Variants in SYAP1 observed in about 807,000 individuals in gnomAD.
The protein encoded by SYAP1 is synapse-associated protein 1.
In SYAP1, 3 loss-of-function variants were observed where a neutral mutation model predicts 29.6. The ratio of observed to expected loss-of-function variants is 0.10; its 90% CI spans 0.05 to 0.26. SYAP1 has a LOEUF of 0.26. Among genes scored for constraint, SYAP1 ranks in the 10% least tolerant of loss-of-function variants. The pLI is 1.00. For synonymous variants in SYAP1, 102 were observed against 102.7 expected (o/e 0.99, Z 0.04); for missense variants, 217 against 264.1 (o/e 0.82, Z 1.24).
chrX:16,746,918 A>AT (rs55888852), intron 5 of SYAP1, among the ~76,000 whole-genome samples: 17 of 110,406 alleles, frequency 1.5e-4, no homozygotes, highest in Admixed American at 3.9e-4. Context: ...CATCTAATCT[A>AT]TTTTTTTACT....
intron 5 of SYAP1, among the ~76,000 whole-genome samples, chrX:16,745,533 C>G (rs112124062): frequency 0.067 from 7,322 of 110,086 alleles, 611 homozygotes; most frequent in African/African-American, 0.23. Flanking sequence ...TGAGACCAGC[C>G]TGGGCAAATA....
chrX:16,723,667 A>G (rs909916176), intron 1 of SYAP1, among the ~76,000 whole-genome samples: 2 of 112,486 alleles, frequency 1.8e-5, no homozygotes, highest in African/African-American at 6.5e-5. Flanking sequence ...CAACTACTTT[A>G]TAAGAATATT....
intron 5 of SYAP1, among the ~76,000 whole-genome samples, chrX:16,745,114 T>G (rs1926567409): frequency 8.9e-6 from 1 of 112,715 alleles, no homozygotes; most frequent in South Asian, 3.6e-4. Context: ...GGCCGCTGAA[T>G]GTGGGGACAA....
intron 5 of SYAP1, among the ~76,000 whole-genome samples, chrX:16,748,907 C>T (rs1926667271): frequency 1.8e-5 from 2 of 109,699 alleles, no homozygotes; most frequent in South Asian, 7.9e-4. Context: ...CAGGCGCACG[C>T]CACCACACCT....
At chrX:16,744,700 T>C (rs1926555909) in intron 5 of SYAP1, among the ~76,000 whole-genome samples, 1 of 110,088 alleles carries the variant, frequency 9.1e-6, no homozygotes, top group African/African-American at 3.3e-5. Context: ...GGCGTGGTGG[T>C]GTGCACCTTT....
chrX:16,728,949 G>C (rs1324686522), intron 1 of SYAP1, among the ~76,000 whole-genome samples: 5 of 106,890 alleles, frequency 4.7e-5, no homozygotes, highest in Non-Finnish European at 9.6e-5. Context: ...TGAGGCAGGA[G>C]AATTGCTTCA....
rs912526550 is a variant in SYAP1 at position 16,752,812 on chromosome X, T to A, written c.576-2133T>A. Among the ~76,000 whole-genome samples the A allele has an allele frequency of 3.6e-5, 4 of 111,574 alleles. No homozygotes were observed. The Admixed American group carries it at 3.9e-4, about 11-fold the overall frequency. On this transcript the variant is annotated intron_variant, in intron 5 of 8. Coordinates refer to ENST00000380155, the MANE Select transcript of SYAP1 (RefSeq NM_032796.4). ...CCAGGTTTCTTGACTGTAAAGTTAC[T>A]CTTTTCCTCTTTGAATGTAATTACT...
intron 5 of SYAP1, among the ~76,000 whole-genome samples, chrX:16,744,285 A>C (rs1569250738): frequency 8.9e-6 from 1 of 112,227 alleles, no homozygotes; most frequent in Admixed American, 9.5e-5. Context: ...GCTCCAGTGC[A>C]TGCATGATGC....
intron 5 of SYAP1, among the ~76,000 whole-genome samples, chrX:16,751,777 C>G: frequency 9.6e-6 from 1 of 103,675 alleles, no homozygotes; most frequent in Middle Eastern, 4.8e-3. Context: ...CTCCTGGGTT[C>G]AAGCAATTCT....
At chrX:16,756,565 A>G in intron 6 of SYAP1, 98 bp from the exon 7 acceptor site, 2 of 731,775 alleles carry the variant, frequency 2.7e-6, no homozygotes, top group Non-Finnish European at 2.0e-6. Context: ...TCTGAAAATT[A>G]TTTAGTATCA....
intron 4 of SYAP1, among the ~76,000 whole-genome samples, chrX:16,742,419 T>C (rs749241156): frequency 9.1e-6 from 1 of 109,583 alleles, no homozygotes; most frequent in Admixed American, 9.8e-5. Flanking sequence ...CCCAAAGTGC[T>C]GGGATTATAG....
chrX:16,756,065 T>C (rs998000238), intron 6 of SYAP1, among the ~76,000 whole-genome samples: 1 of 112,022 alleles, frequency 8.9e-6, no homozygotes, highest in Non-Finnish European at 1.9e-5. Flanking sequence ...ATCCCAATTG[T>C]CTGTTATTCT....
chrX:16,764,163 C>T lies in SYAP1; in HGVS notation c.*3804C>T, dbSNP rs2147442905. The T allele has an allele frequency of 9.0e-6, 1 of 111,251 alleles. No homozygotes were observed. Among genetic ancestry groups the T allele is most frequent in the East Asian group, 2.8e-4 (1 of 3,521 alleles). 9.2% of individuals were successfully genotyped at this position (111,251 alleles called of 1,213,427 possible). On this transcript the variant is annotated 3_prime_UTR_variant, in exon 9 of 9. Transcript: ENST00000380155. Reference sequence around the variant, plus strand: ...GTGCTGGGATTACAGGCGTGAGCCACTGCGCCCAACCTTAATGGCTTTTTG... The same window carrying T: ...GTGCTGGGATTACAGGCGTGAGCCATTGCGCCCAACCTTAATGGCTTTTTG...
intron 1 of SYAP1, among the ~76,000 whole-genome samples, chrX:16,722,529 C>CAAA (rs753851782): frequency 1.7e-4 from 11 of 65,937 alleles, no homozygotes; most frequent in African/African-American, 5.0e-4. Flanking sequence ...CTGCATCTCA[C>CAAA]AAAAAAAAAA....
At chrX:16,755,469 CG>C (rs1926822722) in intron 6 of SYAP1, among the ~76,000 whole-genome samples, 1 of 108,447 alleles carries the variant, frequency 9.2e-6, no homozygotes, top group South Asian at 4.0e-4. Flanking sequence ...GTTTTTTTTT[CG>C]TTTTATTTCT....
rs1409896208 is a variant in SYAP1 at position 16,756,702 on chromosome X, C to A, written c.764C>A (p.Ser255Tyr). ...RPKTPPVVIK[S>Y]QLKTQEDEEE... ...AAAACGCCACCCGTTGTAATCAAAT[C>A]TCAGCTTAAAACTCAAGAGGTAATC... The change falls in exon 7 of 9, where the codon TCT becomes TAT. Residue 255 changes from serine (S) to tyrosine (Y), a missense_variant. Physicochemically the swap from Ser to Tyr is moderately radical, Grantham distance 144. Coordinates refer to ENST00000380155, the MANE Select transcript of SYAP1 (RefSeq NM_032796.4). 1 of 1,209,470 alleles carries A rather than the reference C, an allele frequency of 8.3e-7. No homozygotes were observed. Among genetic ancestry groups the A allele is most frequent in the Non-Finnish European group, 1.1e-6 (1 of 894,671 alleles).
chrX:16,762,142 A>G lies in SYAP1; in HGVS notation c.*1783A>G, dbSNP rs1047425984. 9.1e-6 allele frequency: 1 copy of G among 109,364 alleles called. No individual in the cohort carries two copies. Among genetic ancestry groups the G allele is most frequent in the South Asian group, 3.8e-4 (1 of 2,613 alleles). The allele number at this position is 109,364 out of a possible 1,213,427, so 9.0% of individuals were successfully genotyped here. On this transcript the variant is annotated 3_prime_UTR_variant, in exon 9 of 9. Transcript: ENST00000380155. ...TAATCTCATTGAAGGAAAGAGTTTC[A>G]TTTTTTTTTTAAAAGAGTTTGCTGG...
At chrX:16,758,188 C>T (rs964228316) in intron 8 of SYAP1, among the ~76,000 whole-genome samples, 2 of 110,892 alleles carry the variant, frequency 1.8e-5, no homozygotes, top group African/African-American at 6.6e-5. Context: ...GGACTATAGG[C>T]GTGTGCCACC....
Position 16,727,297 on chromosome X carries a change from G to A in SYAP1, c.175+7398G>A, listed in dbSNP as rs1321592712. Among the ~76,000 whole-genome samples, 7 of 101,880 alleles carry A rather than the reference G, an allele frequency of 6.9e-5. No homozygotes were observed. The East Asian group carries it at 2.2e-3, about 31-fold the overall frequency. 88.5% of individuals were successfully genotyped at this position (101,880 alleles called of 115,157 possible). A position where few individuals can be genotyped will look rare whatever the true frequency, so the allele number is the denominator to read the frequency against. On this transcript the variant is annotated intron_variant, in intron 1 of 8. Coordinates refer to ENST00000380155, the MANE Select transcript of SYAP1 (RefSeq NM_032796.4). ...TTTAAAAATTAAAAAAAAAAAAACA[G>A]GCTTTGATGGAACTTTGTTCCATAG...
Sources: allele counts gnomAD v4.1 joint callset (sites outside exome capture counted in the v4.1 genomes callset), GRCh38; gene constraint gnomAD v4.1.1; transcripts MANE v1.5; gene names NCBI Gene and HGNC (gene_info 2026-07-23, HGNC 2026-07-21).